FAM53B: variants seen among roughly 807,000 people sequenced by gnomAD.
FAM53B encodes the protein family with sequence similarity 53 member B.
A neutral mutation model predicts 32.7 loss-of-function variants in FAM53B; 12 were observed. That is an observed-to-expected ratio of 0.37 (90% CI 0.24 to 0.59). The LOEUF is 0.59. Ranked by LOEUF, FAM53B falls within the 20% of genes least tolerant of loss-of-function variation. FAM53B has a pLI of 0.72. For synonymous variants in FAM53B, 234 were observed against 228.7 expected (o/e 1.02, Z -0.21); for missense variants, 477 against 577.7 (o/e 0.83, Z 1.79).
At chr10:124,672,206 CAGGCACCAGCCGTGCTGGGCTCT>C (rs1949711063) in intron 4 of FAM53B, among the ~76,000 whole-genome samples, 1 of 152,272 alleles carries the variant, frequency 6.6e-6, no homozygotes, top group Non-Finnish European at 1.5e-5. Context: ...AAGGCCCGGT[CAGGCACCAGCCGTGCTGGGCTCT>C]GGGCACAGCT....
At chr10:124,741,109 A>G (rs1950196897) in intron 1 of FAM53B, among the ~76,000 whole-genome samples, 1 of 152,206 alleles carries the variant, frequency 6.6e-6, no homozygotes, top group African/African-American at 2.4e-5. Context: ...TGCTGGATCA[A>G]TTAAAGAGAG....
At chr10:124,723,431 C>G (rs1161660769) in intron 1 of FAM53B, among the ~76,000 whole-genome samples, 1 of 152,206 alleles carries the variant, frequency 6.6e-6, no homozygotes, top group Non-Finnish European at 1.5e-5. Context: ...CAAAAGTTTT[C>G]TGGGTTCCAC....
chr10:124,666,937 G>A (rs1949676503), intron 4 of FAM53B, among the ~76,000 whole-genome samples: 1 of 152,338 alleles, frequency 6.6e-6, no homozygotes, highest in East Asian at 1.9e-4. Context: ...TCAGGCAGGG[G>A]CCTCTTGCCC....
chr10:124,712,332 G>C (rs1393142700), intron 1 of FAM53B, among the ~76,000 whole-genome samples: 3 of 152,098 alleles, frequency 2.0e-5, no homozygotes, highest in Non-Finnish European at 4.4e-5. Context: ...CTCCAGCCTG[G>C]GCCACAGAGC....
At chr10:124,727,514 G>A (rs1284332907) in intron 1 of FAM53B, among the ~76,000 whole-genome samples, 1 of 152,040 alleles carries the variant, frequency 6.6e-6, no homozygotes, top group African/African-American at 2.4e-5. Context: ...TTTACTAGCA[G>A]GTGGAACACG....
Position 124,669,129 on chromosome 10 carries a change from G to T in FAM53B, c.906+12478C>A, listed in dbSNP as rs187309699. Among the ~76,000 whole-genome samples the T allele has an allele frequency of 4.0e-3, 615 of 152,354 alleles. 2 individuals carry two copies. Among genetic ancestry groups the T allele is most frequent in the Admixed American group, 5.8e-3 (89 of 15,310 alleles). ...AGAAGGCAGTGGCCAAGGGCTCAGA[G>T]GTCTTCAGCAAAGTCACCAAAAAAA... On this transcript the variant is annotated intron_variant, in intron 4 of 4. Coordinates refer to ENST00000337318, the MANE Select transcript of FAM53B (RefSeq NM_014661.4).
In FAM53B at chr10:124,682,272, G is replaced by C. The variant is rs1438284126; in HGVS notation, c.241C>G (p.Arg81Gly). Residue 81 changes from arginine to glycine, a missense_variant, in exon 4 of 5, where the codon CGG becomes GGG. By Grantham distance (125) the Arg-to-Gly change is moderately radical. This residue lies in a region of FAM53B where 312 missense variants were observed against 420.2 expected (regional missense o/e 0.74). Transcript: ENST00000337318. The surrounding 1 kb of genome is among the most constrained non-coding windows in gnomAD (Gnocchi z 5.2). The stretch of plus-strand genomic sequence containing the variant: ...ACAGCGCAGGCGGTCACTGCCTCCC[G>C]GTGCCATAGTGAGCTGTCCTTTTCA... ...LPEKDSSLWH[R>G]EAVTACAVTS... 6.2e-7 allele frequency: 1 copy of C among 1,613,914 alleles called. No individual in the cohort carries two copies. Among genetic ancestry groups the C allele is most frequent in the Non-Finnish European group, 8.5e-7 (1 of 1,179,960 alleles).
chr10:124,667,284 TTCTTC>T, intron 4 of FAM53B: 3 of 644,894 alleles, frequency 4.7e-6, no homozygotes, highest in Non-Finnish European at 8.5e-6. Context: ...TCATTTCACT[TTCTTC>T]TCTTAATAAC....
intron 4 of FAM53B, among the ~76,000 whole-genome samples, chr10:124,636,985 G>T (rs1949436192): frequency 6.6e-6 from 1 of 152,130 alleles, no homozygotes; most frequent in African/African-American, 2.4e-5. Context: ...CAAAACAGAA[G>T]TCATAAGGAG....
chr10:124,692,710 A>G (rs945594350), intron 3 of FAM53B, among the ~76,000 whole-genome samples: 104 of 89,948 alleles, frequency 1.2e-3, no homozygotes, highest in African/African-American at 3.8e-3. Context: ...GCGATACTCC[A>G]TCTCAAAAAA....
At chr10:124,678,318 G>C (rs182129282) in intron 4 of FAM53B, among the ~76,000 whole-genome samples, 5 of 152,154 alleles carry the variant, frequency 3.3e-5, no homozygotes, top group African/African-American at 1.2e-4. Context: ...TACAGATACA[G>C]ATACACACAC....
intron 4 of FAM53B, among the ~76,000 whole-genome samples, chr10:124,657,070 A>ATGTGTG (rs1171874517): frequency 7.9e-6 from 1 of 126,478 alleles, no homozygotes. Flanking sequence ...GTATATATAT[A>ATGTGTG]TGTATATATA....
chr10:124,721,587 T>C (rs1325508560), intron 1 of FAM53B, among the ~76,000 whole-genome samples: 1 of 152,208 alleles, frequency 6.6e-6, no homozygotes, highest in African/African-American at 2.4e-5. Context: ...CAGGTCTCCT[T>C]TTGCAGAGCT....
intron 4 of FAM53B, among the ~76,000 whole-genome samples, chr10:124,657,108 ATGTGTG>A (rs372575483): frequency 0.045 from 6,093 of 136,874 alleles, 193 homozygotes; most frequent in Non-Finnish European, 0.063. Context: ...GTGTATATAT[ATGTGTG>A]TGTGTATATA....
chr10:124,656,064 G>A (rs1949587409), intron 4 of FAM53B, among the ~76,000 whole-genome samples: 1 of 152,228 alleles, frequency 6.6e-6, no homozygotes, highest in African/African-American at 2.4e-5. Flanking sequence ...ACGGTACCCA[G>A]CACACAGTAG....
chr10:124,659,893 G>A (rs1261942786), intron 4 of FAM53B, among the ~76,000 whole-genome samples: 1 of 152,256 alleles, frequency 6.6e-6, no homozygotes, highest in Non-Finnish European at 1.5e-5. Flanking sequence ...TGCAACCTCT[G>A]CCTCCCGAGT....
rs1949476385 is a variant in FAM53B at position 124,641,805 on chromosome 10, A to AT, written c.907-18202dup. Among the ~76,000 whole-genome samples the AT allele has an allele frequency of 3.3e-5, 5 of 152,272 alleles. No homozygotes were observed. In the South Asian group the frequency reaches 1.0e-3, roughly 32 times the overall value. The stretch of plus-strand genomic sequence containing the variant: ...GGTCTTATTAAGACGGCAAGCACTG[A>AT]TAAGACTTACAGGTCCCATGAACTA... On this transcript the variant is annotated intron_variant, in intron 4 of 4. Transcript: ENST00000337318.
At chr10:124,735,504 G>A (rs1589768701) in intron 1 of FAM53B, among the ~76,000 whole-genome samples, 1 of 152,232 alleles carries the variant, frequency 6.6e-6, no homozygotes, top group South Asian at 2.1e-4. Flanking sequence ...CTATCTGAGA[G>A]AGGAAGATGC....
intron 1 of FAM53B, among the ~76,000 whole-genome samples, chr10:124,719,453 A>G (rs1013746502): frequency 6.6e-6 from 1 of 152,214 alleles, no homozygotes; most frequent in Non-Finnish European, 1.5e-5. Context: ...TTTTCGTTAC[A>G]GATCTAAGCG....
Sources: gnomAD v4.1 joint callset for allele counts (sites outside exome capture counted in the v4.1 genomes callset) on GRCh38, gnomAD v4.1.1 for gene constraint, gnomAD v4.1.1 regional missense constraint, Gnocchi (gnomAD v3.1) non-coding constraint, MANE v1.5 for transcripts, NCBI Gene and HGNC (gene_info 2026-07-23, HGNC 2026-07-21) for gene names.